NBAS: variants seen among roughly 807,000 people sequenced by gnomAD.
NBAS encodes the protein NBAS subunit of NRZ tethering complex, also known as NAG/BC035112 fusion.
NBAS carries 219 observed loss-of-function variants against 302.5 expected under a neutral mutation model. The observed-to-expected ratio is 0.72, with a 90% CI of 0.65 to 0.81. The LOEUF is 0.81. NBAS is among the 30% of genes least tolerant of loss of function. NBAS has a pLI of 0.00. For synonymous variants in NBAS, 1,118 were observed against 1,021.6 expected, an observed-to-expected ratio of 1.09 and a Z score of -1.80; for missense variants, 2,932 against 2,841.6, an observed-to-expected ratio of 1.03 and a Z score of -0.72.
chr2:15,047,579 G>C, the NBAS span, among the ~76,000 whole-genome samples: 1 of 152,144 alleles, frequency 6.6e-6, no homozygotes, highest in African/African-American at 2.4e-5. Context: ...GCAAGTGAAG[G>C]CTGGGCCCAT....
At chr2:14,936,871 C>T in the NBAS span, among the ~76,000 whole-genome samples, 1 of 152,070 alleles carries the variant, frequency 6.6e-6, no homozygotes, top group Non-Finnish European at 1.5e-5. Context: ...TGTGGGAAGC[C>T]CTGCTGATAA....
the NBAS span, among the ~76,000 whole-genome samples, chr2:15,146,535 A>G: frequency 6.6e-6 from 1 of 152,056 alleles, no homozygotes; most frequent in Non-Finnish European, 1.5e-5. Context: ...GCTCACCACA[A>G]GGGGCTGAGA....
chr2:15,339,222 AAAGT>A (rs1250584989), intron 35 of NBAS, among the ~76,000 whole-genome samples: 5 of 152,144 alleles, frequency 3.3e-5, no homozygotes, highest in South Asian at 2.1e-4. Context: ...ATGAACCCAC[AAAGT>A]AAGTTTACTG....
Position 15,353,676 on chromosome 2 carries a change from T to C in NBAS, c.3966A>G (p.Leu1322=), listed in dbSNP as rs781376326. The C allele has an allele frequency of 1.2e-6, 2 of 1,613,934 alleles. No homozygotes were observed. Among genetic ancestry groups the C allele is most frequent in the East Asian group, 4.5e-5 (2 of 44,884 alleles). The change falls in exon 34 of 52, where the codon TTA becomes TTG. Residue 1322 remains leucine, a synonymous_variant. Coordinates refer to ENST00000281513, the MANE Select transcript of NBAS (RefSeq NM_015909.4). Reference sequence around the variant, plus strand: ...AGTCCTGGTAACCTTCTGATTGTCCTAACTGGCTACAAACATCCCAACTTT... The same window carrying C: ...AGTCCTGGTAACCTTCTGATTGTCCCAACTGGCTACAAACATCCCAACTTT... ...YPKSWDVCSQ[L]GQSEGYQDLA...
At position 15,321,686 on chromosome 2, in the gene NBAS, A is replaced by T. The variant is rs561190759; in HGVS notation, c.4582+6064T>A. On this transcript the variant is annotated intron_variant, in intron 38 of 51. Transcript: ENST00000281513. Reference sequence around the variant, plus strand: ...TCAGAGAAATGCAAATCAAAACCACAATGAGATACCATCTCATGCCAGTTA... The same window carrying T: ...TCAGAGAAATGCAAATCAAAACCACTATGAGATACCATCTCATGCCAGTTA... Among the ~76,000 whole-genome samples, 23 of 152,310 alleles carry T rather than the reference A, an allele frequency of 1.5e-4. No individual in the cohort carries two copies. In the East Asian group the frequency reaches 4.2e-3, roughly 28 times the overall value.
chr2:15,081,711 T>C, the NBAS span, among the ~76,000 whole-genome samples: 1 of 152,182 alleles, frequency 6.6e-6, no homozygotes, highest in Non-Finnish European at 1.5e-5. Flanking sequence ...GGTCTCTCCC[T>C]CTTAAACCCA....
intron 5 of NBAS, among the ~76,000 whole-genome samples, chr2:15,553,107 T>C (rs1664460698): frequency 6.6e-6 from 1 of 152,216 alleles, no homozygotes; most frequent in Non-Finnish European, 1.5e-5. Context: ...CCTGAGTTTC[T>C]GTTTAGCTAA....
intron 9 of NBAS, among the ~76,000 whole-genome samples, chr2:15,516,668 A>C (rs1662403525): frequency 6.6e-6 from 1 of 150,952 alleles, no homozygotes; most frequent in African/African-American, 2.4e-5. Context: ...GGTTGCAGTG[A>C]GCCGAGATCG....
intron 25 of NBAS, among the ~76,000 whole-genome samples, chr2:15,405,436 A>G (rs918601973): frequency 3.3e-5 from 5 of 152,282 alleles, no homozygotes; most frequent in African/African-American, 1.2e-4. Flanking sequence ...AGTCTAAGAC[A>G]CACTTTTTTT....
the NBAS span, among the ~76,000 whole-genome samples, chr2:14,919,807 A>G: frequency 6.6e-6 from 1 of 152,158 alleles, no homozygotes; most frequent in Non-Finnish European, 1.5e-5. Context: ...TCACATCTTC[A>G]GGCTCCACTT....
In NBAS at chr2:15,383,206, T is replaced by C. The variant is rs768406265; in HGVS notation, c.3360+9A>G. On this transcript the variant is annotated intron_variant, in intron 29 of 51. Transcript: ENST00000281513. ...ATTAAAAAAAAATCGTATATGGTTC[T>C]AGAGTTACCTCATAGCAGGCATCAG... is the stretch of plus-strand genomic sequence containing the variant. 1.1e-5 allele frequency: 18 copies of C among 1,608,270 alleles called. No individual in the cohort carries two copies. Among genetic ancestry groups the C allele is most frequent in the Non-Finnish European group, 1.4e-5 (17 of 1,174,836 alleles).
chr2:15,316,398 C>T (rs566871240), intron 38 of NBAS, among the ~76,000 whole-genome samples: 3 of 152,136 alleles, frequency 2.0e-5, no homozygotes, highest in African/African-American at 7.2e-5. Flanking sequence ...CCACAGAGGG[C>T]GAGATGAAGT....
chr2:15,561,114 G>A (rs1573019771), intron 1 of NBAS, 74 bp downstream of exon 1: 1 of 1,239,166 alleles, frequency 8.1e-7, no homozygotes, highest in South Asian at 1.2e-5. Flanking sequence ...TCCCCTACGT[G>A]GCTCCTGCTA....
intron 9 of NBAS, among the ~76,000 whole-genome samples, chr2:15,533,804 C>T (rs558859096): frequency 2.0e-5 from 3 of 151,806 alleles, no homozygotes; most frequent in South Asian, 4.2e-4. Context: ...TACAAACCTG[C>T]ATACATTTCC....
chr2:15,121,293 C>T, the NBAS span, among the ~76,000 whole-genome samples: 1 of 152,204 alleles, frequency 6.6e-6, no homozygotes, highest in Non-Finnish European at 1.5e-5. Flanking sequence ...TCTGTAGCTA[C>T]AGGCTGAGGC....
chr2:15,329,803 C>T (rs944358223), intron 36 of NBAS, among the ~76,000 whole-genome samples: 1 of 152,164 alleles, frequency 6.6e-6, no homozygotes, highest in Non-Finnish European at 1.5e-5. Flanking sequence ...GACTCCTTTT[C>T]TGAAAAACCT....
intron 35 of NBAS, among the ~76,000 whole-genome samples, chr2:15,335,928 CAAAATAA>C (rs142776933): frequency 0.041 from 6,293 of 151,910 alleles, 406 homozygotes; most frequent in African/African-American, 0.14. Context: ...CCCATCTCCA[CAAAATAA>C]AAAATAAAAA....
intron 28 of NBAS, among the ~76,000 whole-genome samples, chr2:15,385,444 G>A (rs904078003): frequency 3.3e-5 from 5 of 152,184 alleles, no homozygotes; most frequent in African/African-American, 4.8e-5. Flanking sequence ...ATGGCTAGCT[G>A]TAAGTACAGG....
chr2:15,356,718 G>A (rs1673639722), intron 32 of NBAS, among the ~76,000 whole-genome samples: 1 of 152,114 alleles, frequency 6.6e-6, no homozygotes, highest in Non-Finnish European at 1.5e-5. Flanking sequence ...CCAGGGTAAG[G>A]GAAAGAGAAG....
Sources: allele counts gnomAD v4.1 joint callset (sites outside exome capture counted in the v4.1 genomes callset), GRCh38; gene constraint gnomAD v4.1.1; transcripts MANE v1.5; gene names NCBI Gene and HGNC (gene_info 2026-07-23, HGNC 2026-07-21).